The following NRDC variants were observed in gnomAD, a reference collection of about 807,000 sequenced individuals.
NRDC encodes the protein nardilysin convertase.
A neutral mutation model predicts 147.1 loss-of-function variants in NRDC; 54 were observed. The observed-to-expected ratio is 0.37, with a 90% CI of 0.29 to 0.46. The LOEUF (loss-of-function observed/expected upper bound fraction) is 0.46. Among genes scored for constraint, NRDC ranks in the 20% least tolerant of loss-of-function variants. The probability of loss-of-function intolerance (pLI) is 1.00; values close to 1 mark genes in which losing one functional copy is unlikely to be tolerated. For missense variants in NRDC, 1,082 were observed against 1,370.6 expected (o/e 0.79, Z 3.33); for synonymous variants, 440 against 482.1 (o/e 0.91, Z 1.14).
intron 1 of NRDC, among the ~76,000 whole-genome samples, chr1:51,869,098 C>T (rs1428831077): frequency 6.6e-6 from 1 of 151,942 alleles, no homozygotes; most frequent in Non-Finnish European, 1.5e-5. Context: ...TGGTGGTGCA[C>T]ACCACCAAGC....
chr1:51,798,713 C>T, intron 21 of NRDC: 1 of 227,558 alleles, frequency 4.4e-6, no homozygotes, highest in Non-Finnish European at 8.7e-6. Flanking sequence ...TAGTTGTACA[C>T]TGATTTAAAA....
intron 1 of NRDC, among the ~76,000 whole-genome samples, chr1:51,867,820 AGT>A (rs1410756636): frequency 6.6e-6 from 1 of 152,232 alleles, no homozygotes; most frequent in Non-Finnish European, 1.5e-5. Flanking sequence ...ACAAACTGCA[AGT>A]ACAGATAACT....
rs1227468339 is a variant in NRDC, at chr1:51,789,375, G to A, written c.3317C>T (p.Ser1106Leu). 4.3e-6 allele frequency: 7 copies of A among 1,614,010 alleles called. No homozygotes were observed. In the East Asian group the frequency reaches 1.6e-4, roughly 36 times the overall value. ...CTGCATCACTTCACAAGAAGAATTT[G>A]AATCCTCACTAGAAGGGGTACCATC... Reference protein sequence around the residue: ...EEDGTPSSEDSNSSCEVMQLT... With the variant: ...EEDGTPSSEDLNSSCEVMQLT... The change falls in exon 31 of 31, where the codon TCA becomes TTA. Residue 1106 changes from serine to leucine, a missense_variant. Physicochemically the swap from Ser to Leu is moderately radical, Grantham distance 145 (BLOSUM62 -2). Around this residue, in one of 3 missense-constraint regions of NRDC, gnomAD observed 187 missense variants for 193.6 expected, o/e 0.97. Coordinates refer to ENST00000352171, the MANE Select transcript of NRDC (RefSeq NM_001101662.2).
At chr1:51,794,673 A>T in intron 23 of NRDC, 63 bp from the exon 24 acceptor site, 1 of 1,599,290 alleles carries the variant, frequency 6.3e-7, no homozygotes, top group Non-Finnish European at 8.5e-7. Context: ...AGGCCTTCTA[A>T]CTTTTCAATT....
intron 1 of NRDC, among the ~76,000 whole-genome samples, chr1:51,847,155 T>C (rs1039579898): frequency 2.0e-5 from 3 of 152,230 alleles, no homozygotes; most frequent in Non-Finnish European, 2.9e-5. Flanking sequence ...AGAGTGCTGA[T>C]TGGTGAATTC....
intron 1 of NRDC, among the ~76,000 whole-genome samples, chr1:51,865,086 A>T (rs1196291507): frequency 6.6e-6 from 1 of 152,178 alleles, no homozygotes; most frequent in Non-Finnish European, 1.5e-5. Context: ...AGCAAACATA[A>T]GCTATGGACT....
In NRDC at chr1:51,841,371, G is replaced by A. The variant is rs116322240; in HGVS notation, c.342-857C>T. ...TGTGTAGGCTAGAGTGCAGTGGCACGATCTCAGCTCACTGCAGCCTCGACC... is the reference window on the plus strand; with the variant it reads ...TGTGTAGGCTAGAGTGCAGTGGCACAATCTCAGCTCACTGCAGCCTCGACC... On this transcript the variant is annotated intron_variant, in intron 1 of 30. Transcript: ENST00000352171. 7.3e-3 allele frequency among the ~76,000 whole-genome samples: 1,113 copies of A among 151,972 alleles called. 15 individuals are homozygous for A. Among genetic ancestry groups the A allele is most frequent in the African/African-American group, 0.026 (1,067 of 41,416 alleles).
At chr1:51,837,553 G>A in intron 2 of NRDC, 2 of 1,593,356 alleles carry the variant, frequency 1.3e-6, no homozygotes, top group South Asian at 1.1e-5. Context: ...AGACATTTTT[G>A]AATAAGTTGA....
At chr1:51,876,129 T>A (rs573819059) in intron 1 of NRDC, among the ~76,000 whole-genome samples, 36 of 149,318 alleles carry the variant, frequency 2.4e-4, no homozygotes, top group Non-Finnish European at 4.6e-4. Context: ...CAGTGTAGAT[T>A]CCATAAATAT....
At chr1:51,840,640 T>G in intron 1 of NRDC, 126 bp from the exon 2 acceptor site, 1 of 659,934 alleles carries the variant, frequency 1.5e-6, no homozygotes, top group South Asian at 2.2e-5. Context: ...CACACACAAC[T>G]ATTTGTAAAC....
chr1:51,843,658 AAAT>A (rs1681386081), intron 1 of NRDC, among the ~76,000 whole-genome samples: 2 of 152,182 alleles, frequency 1.3e-5, no homozygotes, highest in Admixed American at 1.3e-4. Context: ...GGACCATTCC[AAAT>A]AATAACTTAT....
At position 51,790,932 on chromosome 1, in the gene NRDC, C is replaced by T. The variant is rs1298017715; in HGVS notation, c.3019G>A (p.Glu1007Lys). The T allele has an allele frequency of 5.0e-6, 8 of 1,613,854 alleles. No individual in the cohort carries two copies. In the Admixed American group the frequency reaches 1.2e-4, roughly 24 times the overall value. ...TTGAATGCCTCTTCAGTGAGGTTCTCAATCTTCTCCTCAAAGCTAGAAAGA... is the reference window on the plus strand; with the variant it reads ...TTGAATGCCTCTTCAGTGAGGTTCTTAATCTTCTCCTCAAAGCTAGAAAGA... The part of the protein sequence containing the change: ...EFLSSFEEKI[E>K]NLTEEAFNTQ... Residue 1007 changes from glutamate (E) to lysine (K), a missense_variant, in exon 28 of 31, where the codon GAG (glutamate) becomes AAG (lysine). Physicochemically the swap from Glu to Lys is moderately conservative, Grantham distance 56. Transcript: ENST00000352171.
At position 51,825,455 on chromosome 1, in the gene NRDC, C is replaced by T. The variant is rs181580245; in HGVS notation, c.941-73G>A. The stretch of plus-strand genomic sequence containing the variant: ...TTTATTATATGGAAATTCAAACTTA[C>T]AGAACAGAAAGCAAGGAATTAACAA... On this transcript the variant is annotated intron_variant, in intron 5 of 30. Transcript: ENST00000352171. 8.0e-5 allele frequency: 94 copies of T among 1,168,358 alleles called. No homozygotes were observed. The East Asian group carries it at 2.2e-3, about 27-fold the overall frequency. The allele number at this position is 1,168,358 out of a possible 1,614,324, so 72.4% of individuals were successfully genotyped here.
intron 24 of NRDC, among the ~76,000 whole-genome samples, 163 bp downstream of exon 24, chr1:51,794,309 C>A (rs1373320503): frequency 6.6e-6 from 1 of 152,156 alleles, no homozygotes; most frequent in Non-Finnish European, 1.5e-5. Context: ...GAAAAAGGAT[C>A]CATTTTACCA....
intron 5 of NRDC, 127 bp downstream of exon 5, chr1:51,827,669 A>G: frequency 1.5e-6 from 1 of 673,628 alleles, no homozygotes; most frequent in Non-Finnish European, 2.6e-6. Flanking sequence ...CAAACATAAC[A>G]CATATTTCAA....
chr1:51,796,663 G>C (rs1328639988), intron 22 of NRDC, among the ~76,000 whole-genome samples: 2 of 150,822 alleles, frequency 1.3e-5, no homozygotes, highest in African/African-American at 4.9e-5. Flanking sequence ...TCTCAGTTTA[G>C]TGCAACCTCC....
At chr1:51,831,732 C>A (rs1282317059) in intron 4 of NRDC, among the ~76,000 whole-genome samples, 1 of 151,926 alleles carries the variant, frequency 6.6e-6, no homozygotes, top group Non-Finnish European at 1.5e-5. Context: ...GCCTGCGCCA[C>A]CACACCCAGC....
In NRDC at chr1:51,818,093, G is replaced by A; in HGVS notation, c.1334C>T (p.Ala445Val). ...GTAATGTTGCTGTTGAGGAGGAAGT[G>A]CCCATGTGATGGTCAGAGCATGAAT... ...RKIHALTITW[A>V]LPPQQQHYRV... Residue 445 changes from alanine to valine, a missense_variant, in exon 10 of 31, where the codon GCA (alanine) becomes GTA (valine). Ala to Val is a moderately conservative substitution (Grantham distance 64). Coordinates refer to ENST00000352171, the MANE Select transcript of NRDC (RefSeq NM_001101662.2). 2 of 1,605,784 alleles carry A rather than the reference G, an allele frequency of 1.2e-6. No individual in the cohort carries two copies. The highest frequency in any genetic ancestry group is 1.7e-6 in the Non-Finnish European group (2 of 1,177,688).
chr1:51,813,019 C>G (rs1487308155), intron 14 of NRDC, among the ~76,000 whole-genome samples: 1 of 150,798 alleles, frequency 6.6e-6, no homozygotes, highest in Non-Finnish European at 1.5e-5. Context: ...GTGGCTCATG[C>G]CTGTGATCCT....
Sources: allele counts gnomAD v4.1 joint callset (sites outside exome capture counted in the v4.1 genomes callset), GRCh38; gene constraint gnomAD v4.1.1; regional missense constraint gnomAD v4.1.1; transcripts MANE v1.5; gene names NCBI Gene and HGNC (gene_info 2026-07-23, HGNC 2026-07-21).